Variants in MMP16 observed in about 807,000 individuals in gnomAD.
MMP16 encodes matrix metallopeptidase 16.
In MMP16, 12 loss-of-function variants were observed where a neutral mutation model predicts 67.8. The ratio of observed to expected loss-of-function variants is 0.18; its 90% CI spans 0.11 to 0.29. The LOEUF (loss-of-function observed/expected upper bound fraction) is 0.29, where lower values mean the gene tolerates loss of function less well. MMP16 is among the 10% of genes least tolerant of loss of function. MMP16 has a pLI of 1.00. For synonymous variants in MMP16, 249 were observed against 255.9 expected (o/e 0.97, Z 0.26); for missense variants, 475 against 765.7 (o/e 0.62, Z 4.48).
intron 7 of MMP16, among the ~76,000 whole-genome samples, chr8:88,064,463 A>C (rs1275536691): frequency 6.6e-6 from 1 of 152,090 alleles, no homozygotes; most frequent in Non-Finnish European, 1.5e-5. Context: ...TGACAGCTCT[A>C]CCAATAACCA....
intron 6 of MMP16, among the ~76,000 whole-genome samples, chr8:88,099,917 T>G (rs774761914): frequency 4.6e-5 from 7 of 151,926 alleles, no homozygotes; most frequent in Non-Finnish European, 1.5e-5. Flanking sequence ...CACTGGACTG[T>G]AAGCTCTTTA....
intron 1 of MMP16, among the ~76,000 whole-genome samples, chr8:88,214,318 C>G (rs2129826121): frequency 6.6e-6 from 1 of 152,188 alleles, no homozygotes; most frequent in Middle Eastern, 3.4e-3. Context: ...TAAATGAAAC[C>G]ATTCCAATCC....
At chr8:88,084,540 C>CATAG (rs888460501) in intron 6 of MMP16, among the ~76,000 whole-genome samples, 6 of 151,978 alleles carry the variant, frequency 3.9e-5, no homozygotes, top group African/African-American at 1.4e-4. Flanking sequence ...AAAAGCAACA[C>CATAG]ATAGATAGTC....
At chr8:88,076,636 C>A (rs189676704) in intron 6 of MMP16, among the ~76,000 whole-genome samples, 47 of 152,136 alleles carry the variant, frequency 3.1e-4, no homozygotes, top group African/African-American at 1.1e-3. Context: ...CAAGAGTTCA[C>A]TGCAAATAAA....
chr8:88,251,019 T>C (rs1310559615), intron 1 of MMP16, among the ~76,000 whole-genome samples: 1 of 147,116 alleles, frequency 6.8e-6, no homozygotes, highest in Non-Finnish European at 1.5e-5. Context: ...TGAGTGAGAA[T>C]ATGCGGTGTT....
intron 7 of MMP16, among the ~76,000 whole-genome samples, chr8:88,065,526 C>G (rs1808453187): frequency 6.6e-6 from 1 of 151,730 alleles, no homozygotes. Context: ...CAAAAAATAG[C>G]ACTATTTGCT....
At chr8:88,181,170 G>A (rs897479953) in intron 3 of MMP16, among the ~76,000 whole-genome samples, 4 of 151,618 alleles carry the variant, frequency 2.6e-5, no homozygotes, top group African/African-American at 9.7e-5. Context: ...ACACCATCCT[G>A]GAAACATTAG....
intron 7 of MMP16, among the ~76,000 whole-genome samples, chr8:88,072,947 G>C (rs1207197604): frequency 6.6e-6 from 1 of 152,068 alleles, no homozygotes; most frequent in African/African-American, 2.4e-5. Context: ...AGAGAGTGAG[G>C]AGCGGCAAAG....
intron 1 of MMP16, among the ~76,000 whole-genome samples, chr8:88,253,328 C>T (rs1251297796): frequency 6.6e-6 from 1 of 152,082 alleles, no homozygotes; most frequent in East Asian, 1.9e-4. Flanking sequence ...CAGTGACTTC[C>T]TTCCAAAGAG....
intron 1 of MMP16, among the ~76,000 whole-genome samples, chr8:88,226,081 A>G (rs2129859895): frequency 6.6e-6 from 1 of 152,104 alleles, no homozygotes; most frequent in Non-Finnish European, 1.5e-5. Context: ...GCTCATGGCA[A>G]CTAACAAATA....
intron 6 of MMP16, among the ~76,000 whole-genome samples, chr8:88,094,230 C>G (rs1355032582): frequency 1.3e-5 from 2 of 151,672 alleles, no homozygotes; most frequent in African/African-American, 2.4e-5. Context: ...TCCATATAAC[C>G]CAACAGAATC....
intron 1 of MMP16, 116 bp downstream of exon 1, chr8:88,326,959 G>C: frequency 7.2e-7 from 1 of 1,386,768 alleles, no homozygotes; most frequent in Middle Eastern, 1.9e-4. Context: ...AGCTGGAAGG[G>C]AAACAACGTG....
intron 3 of MMP16, among the ~76,000 whole-genome samples, chr8:88,177,026 T>G (rs1808904177): frequency 6.6e-6 from 1 of 152,226 alleles, no homozygotes. Flanking sequence ...AAAATATATC[T>G]CTTCATTTTT....
chr8:88,041,188 T>C lies in MMP16; in HGVS notation c.*273A>G, dbSNP rs1042260977. On this transcript the variant is annotated 3_prime_UTR_variant, in exon 10 of 10. Transcript: ENST00000286614. The surrounding 1 kb of genome is among the most constrained non-coding windows in gnomAD (Gnocchi z 6.0). ...TCTTTAGTTAATCCTGAAATTTTAC[T>C]GGGCATTGAGCGTGCAGAGGAAAGG... is the stretch of plus-strand genomic sequence containing the variant. The C allele has an allele frequency of 3.1e-6, 1 of 317,690 alleles. No individual in the cohort carries two copies. The highest frequency in any genetic ancestry group is 5.7e-6 in the Non-Finnish European group (1 of 175,146). 19.7% of individuals were successfully genotyped at this position (317,690 alleles called of 1,614,324 possible).
In MMP16 at chr8:88,036,976, T is replaced by C. The variant is rs1808062522; in HGVS notation, c.*4485A>G. ...ATTCCAAAAACTTTAAAATATATAT[T>C]TTTTCATGACTCAGTTTAACTCAGT... is the stretch of plus-strand genomic sequence containing the variant. On this transcript the variant is annotated 3_prime_UTR_variant, in exon 10 of 10. Coordinates refer to ENST00000286614, the MANE Select transcript of MMP16 (RefSeq NM_005941.5). The C allele has an allele frequency of 6.6e-6, 1 of 151,424 alleles. No homozygotes were observed. Among genetic ancestry groups the C allele is most frequent in the African/African-American group, 2.4e-5 (1 of 41,280 alleles). 9.4% of individuals were successfully genotyped at this position (151,424 alleles called of 1,614,324 possible). A position where few individuals can be genotyped will look rare whatever the true frequency, so the allele number is the denominator to read the frequency against.
At chr8:88,167,256 T>C (rs1808729965) in intron 4 of MMP16, among the ~76,000 whole-genome samples, 2 of 151,806 alleles carry the variant, frequency 1.3e-5, no homozygotes, top group African/African-American at 2.4e-5. Context: ...GTAGAAAAGA[T>C]ATAGTAGAAG....
At chr8:88,209,490 G>C (rs1256645703) in intron 1 of MMP16, among the ~76,000 whole-genome samples, 1 of 152,162 alleles carries the variant, frequency 6.6e-6, no homozygotes, top group Admixed American at 6.6e-5. Context: ...CTGGTCAACA[G>C]GAGGCTATTG....
chr8:88,172,831 T>G (rs1248882876), intron 3 of MMP16, among the ~76,000 whole-genome samples: 1 of 152,198 alleles, frequency 6.6e-6, no homozygotes, highest in Non-Finnish European at 1.5e-5. Context: ...TGTTAAATTT[T>G]ATCTTTAATG....
chr8:88,148,907 C>CAGAA (rs1808343096), intron 4 of MMP16, among the ~76,000 whole-genome samples: 1 of 152,174 alleles, frequency 6.6e-6, no homozygotes, highest in Non-Finnish European at 1.5e-5. Flanking sequence ...CCAGCGTGAG[C>CAGAA]GACGCAGAAG....
Sources: gnomAD v4.1 joint callset for allele counts (sites outside exome capture counted in the v4.1 genomes callset) on GRCh38, gnomAD v4.1.1 for gene constraint, Gnocchi (gnomAD v3.1) non-coding constraint, MANE v1.5 for transcripts, NCBI Gene and HGNC (gene_info 2026-07-23, HGNC 2026-07-21) for gene names.